Variants in MTUS1 observed in about 807,000 individuals in gnomAD.
MTUS1 encodes microtubule-associated tumor suppressor 1.
Under a neutral mutation model 120.8 loss-of-function variants are expected in MTUS1, and 109 were observed. That is an observed-to-expected ratio of 0.90 (90% CI 0.77 to 1.06). MTUS1 has a LOEUF of 1.06. Ranked by LOEUF, MTUS1 falls within the 50% of genes least tolerant of loss-of-function variation. The pLI is 0.00. For synonymous variants in MTUS1, 737 were observed against 550.5 expected (o/e 1.34, Z -4.74); for missense variants, 2,210 against 1,486.3 (o/e 1.49, Z -8.01).
chr8:17,665,206 T>G (rs1810639041), intron 8 of MTUS1, among the ~76,000 whole-genome samples: 1 of 152,192 alleles, frequency 6.6e-6, no homozygotes, highest in Non-Finnish European at 1.5e-5. Context: ...TTTCTACATT[T>G]CCAAATTATC....
rs115552118 is a variant in MTUS1 at position 17,657,212 on chromosome 8, A to C, written c.2906-1147T>G. ...GAGCACAAATATCTTAGGGAAAAAA[A>C]AACACATCTTAAAAGCACCCACATA... On this transcript the variant is annotated intron_variant, in intron 8 of 14. Coordinates refer to ENST00000693296, the MANE Select transcript of MTUS1 (RefSeq NM_001363059.2). 5.3e-3 allele frequency among the ~76,000 whole-genome samples: 810 copies of C among 152,180 alleles called. 11 individuals carry two copies. The highest frequency in any genetic ancestry group is 0.018 in the African/African-American group (752 of 41,506).
chr8:17,670,071 G>A (rs1236709504), intron 8 of MTUS1, among the ~76,000 whole-genome samples: 1 of 152,200 alleles, frequency 6.6e-6, no homozygotes, highest in African/African-American at 2.4e-5. Flanking sequence ...AGACTGACAT[G>A]CACGTGGAGG....
intron 3 of MTUS1, among the ~76,000 whole-genome samples, chr8:17,731,993 A>C (rs1431052066): frequency 2.6e-5 from 4 of 152,224 alleles, no homozygotes; most frequent in Non-Finnish European, 5.9e-5. Flanking sequence ...CATAAGGACA[A>C]GAGGGCGAAG....
rs2046356922 is a variant in MTUS1 at position 17,728,466 on chromosome 8, A to G, written c.2288-4633T>C. 2.0e-5 allele frequency among the ~76,000 whole-genome samples: 3 copies of G among 152,260 alleles called. No homozygotes were observed. The South Asian group carries it at 6.2e-4, about 31-fold the overall frequency. On this transcript the variant is annotated intron_variant, in intron 3 of 14. Transcript: ENST00000693296. Reference sequence around the variant, plus strand: ...TTCACATGAAGGTGTGTCTTACACAAGTATTTATGTGCTTACCTAGTAAGG... The same window carrying G: ...TTCACATGAAGGTGTGTCTTACACAGGTATTTATGTGCTTACCTAGTAAGG...
intron 6 of MTUS1, among the ~76,000 whole-genome samples, chr8:17,696,551 A>G (rs1818006201): frequency 6.6e-6 from 1 of 152,230 alleles, no homozygotes; most frequent in African/African-American, 2.4e-5. Context: ...CATCTAGGAC[A>G]AAAGTAGCAA....
At chr8:17,725,085 CT>C (rs1563273436) in intron 3 of MTUS1, among the ~76,000 whole-genome samples, 2 of 152,152 alleles carry the variant, frequency 1.3e-5, no homozygotes, top group South Asian at 4.1e-4. Flanking sequence ...TTTTTTCCAG[CT>C]TCAAACCATT....
chr8:17,684,519 G>A lies in MTUS1; in HGVS notation c.2647C>T (p.Pro883Ser). The change falls in exon 7 of 15, where the codon CCT becomes TCT. Residue 883 changes from proline to serine, a missense_variant. By Grantham distance (74) the Pro-to-Ser change is moderately conservative. Coordinates refer to ENST00000693296, the MANE Select transcript of MTUS1 (RefSeq NM_001363059.2). ...NAVEKSRQKN[P>S]RSLCIQPQTA... ...TGTGGCTGGATACATAAGCTTCGAG[G>A]ATTCTTTTGCCTGCTCTTTTCAACT... 2 of 1,613,940 alleles carry A rather than the reference G, an allele frequency of 1.2e-6. No individual in the cohort carries two copies. The highest frequency in any genetic ancestry group is 3.3e-4 in the Middle Eastern group (2 of 6,062).
In MTUS1 at chr8:17,783,143, T is replaced by C. The variant is rs571151564; in HGVS notation, c.-155+17918A>G. Among the ~76,000 whole-genome samples, 171 of 152,278 alleles carry C rather than the reference T, an allele frequency of 1.1e-3. 3 individuals carry two copies. The South Asian group carries it at 0.034, about 30-fold the overall frequency. On this transcript the variant is annotated intron_variant, in intron 1 of 14. Transcript: ENST00000693296. The stretch of plus-strand genomic sequence containing the variant: ...AATGAGGATAACATGTTGGCCCTTG[T>C]ATTTGAGAAGGCAACCTGGCTTGAC...
intron 6 of MTUS1, among the ~76,000 whole-genome samples, chr8:17,686,413 G>A (rs141076965): frequency 1.4e-3 from 216 of 152,262 alleles, no homozygotes; most frequent in African/African-American, 5.1e-3. Context: ...ACATCTATGT[G>A]TTATATAACT....
chr8:17,755,010 A>C lies in MTUS1; in HGVS notation c.798T>G (p.Cys266Trp). 5 of 1,614,074 alleles carry C rather than the reference A, an allele frequency of 3.1e-6. No individual in the cohort carries two copies. Among genetic ancestry groups the C allele is most frequent in the Non-Finnish European group, 4.2e-6 (5 of 1,180,026 alleles). ...ACTCACTGGTGACCTTTCCTGAAGAACATGCACACTGATTTCCAATATCTG... is the reference window on the plus strand; with the variant it reads ...ACTCACTGGTGACCTTTCCTGAAGACCATGCACACTGATTTCCAATATCTG... ...FVSDIGNQCA[C>W]SSGKVTSEYT... The change falls in exon 2 of 15, where the codon TGT (cysteine) becomes TGG (tryptophan). Residue 266 changes from cysteine (C) to tryptophan (W), a missense_variant. By Grantham distance (215) the Cys-to-Trp change is radical. Coordinates refer to ENST00000693296, the MANE Select transcript of MTUS1 (RefSeq NM_001363059.2).
intron 3 of MTUS1, among the ~76,000 whole-genome samples, chr8:17,725,868 G>A (rs2046197062): frequency 6.6e-6 from 1 of 152,162 alleles, no homozygotes; most frequent in South Asian, 2.1e-4. Context: ...GCCCAGGGAA[G>A]CCAAAAGATT....
chr8:17,701,966 T>C (rs1279812551), intron 6 of MTUS1, among the ~76,000 whole-genome samples: 1 of 152,218 alleles, frequency 6.6e-6, no homozygotes, highest in African/African-American at 2.4e-5. Context: ...TATCTTTCCA[T>C]GGGATTAAAT....
At chr8:17,742,401 C>T (rs929977617) in intron 3 of MTUS1, among the ~76,000 whole-genome samples, 1 of 150,934 alleles carries the variant, frequency 6.6e-6, no homozygotes, top group African/African-American at 2.4e-5. Flanking sequence ...AGGCATAAAC[C>T]ACCACACCCA....
chr8:17,681,286 C>T (rs1020050309), intron 7 of MTUS1, among the ~76,000 whole-genome samples: 6 of 152,114 alleles, frequency 3.9e-5, no homozygotes, highest in African/African-American at 1.4e-4. Context: ...AAATTAAATG[C>T]AAGTGGTGAT....
chr8:17,762,402 G>A (rs551184910), intron 1 of MTUS1, among the ~76,000 whole-genome samples: 4 of 152,320 alleles, frequency 2.6e-5, no homozygotes, highest in African/African-American at 9.6e-5. Context: ...GTAGCTAACA[G>A]TTCTACTCTA....
At chr8:17,664,889 G>A (rs750426478) in intron 8 of MTUS1, among the ~76,000 whole-genome samples, 1 of 152,068 alleles carries the variant, frequency 6.6e-6, no homozygotes, top group Non-Finnish European at 1.5e-5. Flanking sequence ...TCAAATTGAT[G>A]CTTTGTGGAC....
intron 7 of MTUS1, among the ~76,000 whole-genome samples, chr8:17,679,718 G>C (rs558234891): frequency 6.6e-6 from 1 of 152,102 alleles, no homozygotes; most frequent in East Asian, 1.9e-4. Context: ...GGCCAGACTG[G>C]TCTCAAACTC....
At chr8:17,717,676 C>A (rs1440662049) in intron 4 of MTUS1, among the ~76,000 whole-genome samples, 3 of 152,122 alleles carry the variant, frequency 2.0e-5, no homozygotes, top group African/African-American at 4.8e-5. Context: ...ACAAAGAGAT[C>A]AGTAAAAAGA....
At chr8:17,704,524 G>C (rs1351182127) in intron 6 of MTUS1, among the ~76,000 whole-genome samples, 2 of 152,128 alleles carry the variant, frequency 1.3e-5, no homozygotes, top group African/African-American at 2.4e-5. Flanking sequence ...TCTACAAAAA[G>C]ACTATCCTTT....
Sources: allele counts gnomAD v4.1 joint callset (sites outside exome capture counted in the v4.1 genomes callset), GRCh38; gene constraint gnomAD v4.1.1; transcripts MANE v1.5; gene names NCBI Gene and HGNC (gene_info 2026-07-23, HGNC 2026-07-21).